Variants in AHI1 observed in about 807,000 individuals in gnomAD.
AHI1 encodes the protein jouberin.
A neutral mutation model predicts 149.3 loss-of-function variants in AHI1; 123 were observed. The ratio of observed to expected loss-of-function variants is 0.82; its 90% CI spans 0.71 to 0.96. The LOEUF is 0.96. Among genes scored for constraint, AHI1 ranks in the 40% least tolerant of loss-of-function variants. The pLI is 0.00. For synonymous variants in AHI1, 475 were observed against 459.8 expected (o/e 1.03, Z -0.42); for missense variants, 1,439 against 1,422.7 (o/e 1.01, Z -0.18).
At chr6:135,451,446 A>C (rs1788084003) in intron 11 of AHI1, among the ~76,000 whole-genome samples, 1 of 152,208 alleles carries the variant, frequency 6.6e-6, no homozygotes, top group African/African-American at 2.4e-5. Context: ...AGAGAGTGAC[A>C]TATTAAATGC....
intron 24 of AHI1, among the ~76,000 whole-genome samples, chr6:135,353,286 G>A (rs1792441565): frequency 6.6e-6 from 1 of 151,914 alleles, no homozygotes; most frequent in Admixed American, 6.6e-5. Context: ...AGTTATAAAA[G>A]CTTATAGTTT....
At chr6:135,433,677 T>C (rs952718907) in intron 15 of AHI1, among the ~76,000 whole-genome samples, 3 of 152,068 alleles carry the variant, frequency 2.0e-5, no homozygotes, top group African/African-American at 7.2e-5. Flanking sequence ...TGTTTATTAA[T>C]GGGGGTTTAG....
intron 23 of AHI1, among the ~76,000 whole-genome samples, chr6:135,363,033 T>A (rs1794157129): frequency 6.7e-6 from 1 of 149,448 alleles, no homozygotes; most frequent in Non-Finnish European, 1.5e-5. Context: ...TTTTAAATTT[T>A]ATTTTATTTT....
intron 10 of AHI1, among the ~76,000 whole-genome samples, chr6:135,454,701 T>C (rs1457369838): frequency 1.3e-5 from 2 of 152,214 alleles, no homozygotes; most frequent in African/African-American, 4.8e-5. Flanking sequence ...GCGTTTATAA[T>C]ACAACAATCT....
intron 24 of AHI1, among the ~76,000 whole-genome samples, chr6:135,339,393 A>T (rs1223899833): frequency 6.6e-6 from 1 of 152,244 alleles, no homozygotes; most frequent in East Asian, 1.9e-4. Context: ...AATATTTTAA[A>T]TACTATTATA....
At chr6:135,463,507 C>T (rs555615381) in intron 7 of AHI1, among the ~76,000 whole-genome samples, 2 of 151,974 alleles carry the variant, frequency 1.3e-5, no homozygotes, top group African/African-American at 4.8e-5. Flanking sequence ...TTTTATACTT[C>T]GTGAGGAGTT....
intron 25 of AHI1, among the ~76,000 whole-genome samples, chr6:135,319,827 G>C (rs9389286): frequency 0.45 from 68,400 of 151,994 alleles, 17,197 homozygotes; most frequent in Middle Eastern, 0.61. Context: ...TGTTAGATGT[G>C]ATGGGGGAAG....
chr6:135,296,167 A>G (rs1472236789), intron 27 of AHI1, among the ~76,000 whole-genome samples: 1 of 152,160 alleles, frequency 6.6e-6, no homozygotes, highest in African/African-American at 2.4e-5. Context: ...AATTTATTTT[A>G]TATCAAGTGT....
chr6:135,392,669 A>G (rs1224075064), intron 23 of AHI1, among the ~76,000 whole-genome samples: 1 of 152,206 alleles, frequency 6.6e-6, no homozygotes, highest in East Asian at 1.9e-4. Context: ...TATTCGTACA[A>G]TCAACACTTA....
At chr6:135,304,338 C>T (rs981046768) in intron 26 of AHI1, among the ~76,000 whole-genome samples, 1 of 152,188 alleles carries the variant, frequency 6.6e-6, no homozygotes, top group Non-Finnish European at 1.5e-5. Flanking sequence ...TGGGCATGAG[C>T]CACTGGGCCC....
intron 7 of AHI1, 121 bp downstream of exon 7, chr6:135,465,693 T>C (rs951365195): frequency 1.3e-6 from 1 of 789,536 alleles, no homozygotes; most frequent in Non-Finnish European, 1.8e-6. Flanking sequence ...CTTATCTTAG[T>C]GACAATGTCT....
intron 23 of AHI1, among the ~76,000 whole-genome samples, chr6:135,363,950 C>G: frequency 6.7e-6 from 1 of 148,542 alleles, no homozygotes; most frequent in African/African-American, 2.5e-5. Flanking sequence ...GGGCTGACCC[C>G]CCCACCTCCC....
intron 3 of AHI1, chr6:135,492,533 C>CA (rs1004046438): frequency 2.7e-5 from 27 of 981,974 alleles, no homozygotes; most frequent in East Asian, 2.3e-4. Flanking sequence ...ATATTTGAAA[C>CA]AAAAAAAACA....
At chr6:135,339,285 G>A (rs536274151) in intron 24 of AHI1, among the ~76,000 whole-genome samples, 15 of 152,166 alleles carry the variant, frequency 9.9e-5, no homozygotes, top group East Asian at 3.9e-4. Context: ...AAAAAATTAC[G>A]AAACATGCAA....
chr6:135,457,430 G>A (rs1419684798), intron 9 of AHI1, 64 bp downstream of exon 9: 3 of 1,248,084 alleles, frequency 2.4e-6, no homozygotes, highest in South Asian at 2.8e-5. Context: ...AACTACCAAT[G>A]GCAGAAAAAA....
At chr6:135,442,806 C>T (rs748943713) in intron 13 of AHI1, 92 bp from the exon 14 acceptor site, 203 of 1,181,870 alleles carry the variant, frequency 1.7e-4, no homozygotes, top group Admixed American at 2.5e-4. Context: ...CTTTTAAGTC[C>T]TTTTATGATG....
chr6:135,455,786 G>A lies in AHI1; in HGVS notation c.1292C>T (p.Pro431Leu), dbSNP rs751852341. Residue 431 changes from proline to leucine, a missense_variant, in exon 10 of 29, where the codon CCC (proline) becomes CTC (leucine). Coordinates refer to ENST00000265602, the MANE Select transcript of AHI1 (RefSeq NM_001134831.2). ...EEQIVFNENF[P>L]YLLRGSDESP... The stretch of plus-strand genomic sequence containing the variant: ...CTCATCAGAGCCTCGAAGCAAATAG[G>A]GAAAATTTTCATTAAATACAATTTG... 10 of 1,602,620 alleles carry A rather than the reference G, an allele frequency of 6.2e-6. No homozygotes were observed. The highest frequency in any genetic ancestry group is 8.5e-7 in the Non-Finnish European group (1 of 1,173,768).
Position 135,492,258 on chromosome 6 carries a change from A to G in AHI1, c.-21T>C, listed in dbSNP as rs1384840243. On this transcript the variant is annotated 5_prime_UTR_variant, in exon 4 of 29. Transcript: ENST00000265602. ...GGCATCTCTCAGCTTTATGCAGAGGACTGAGAATGCAAAGCATTGACTCAA... is the reference window on the plus strand; with the variant it reads ...GGCATCTCTCAGCTTTATGCAGAGGGCTGAGAATGCAAAGCATTGACTCAA... The G allele has an allele frequency of 2.0e-6, 3 of 1,537,776 alleles. No individual in the cohort carries two copies. In the African/African-American group the frequency reaches 4.1e-5, roughly 21 times the overall value.
intron 22 of AHI1, among the ~76,000 whole-genome samples, chr6:135,404,044 T>C (rs1397920552): frequency 1.3e-5 from 2 of 152,056 alleles, no homozygotes; most frequent in African/African-American, 4.8e-5. Context: ...AAAAATTCCA[T>C]TGCACTGACA....
Sources: gnomAD v4.1 joint callset for allele counts (sites outside exome capture counted in the v4.1 genomes callset) on GRCh38, gnomAD v4.1.1 for gene constraint, MANE v1.5 for transcripts, NCBI Gene and HGNC (gene_info 2026-07-23, HGNC 2026-07-21) for gene names.